The following APAF1 variants were observed in gnomAD, a reference collection of about 807,000 sequenced individuals.
The protein encoded by APAF1 is apoptotic peptidase activating factor 1, also known as apoptotic protease-activating factor 1.
In APAF1, 91 loss-of-function variants were observed where a neutral mutation model predicts 152.4. The ratio of observed to expected loss-of-function variants is 0.60; its 90% CI spans 0.50 to 0.71. APAF1 has a LOEUF of 0.71. Among genes scored for constraint, APAF1 ranks in the 30% least tolerant of loss-of-function variants. The probability of loss-of-function intolerance (pLI) is 0.00; values close to 1 mark genes in which losing one functional copy is unlikely to be tolerated. For missense variants in APAF1, 1,283 were observed against 1,472.0 expected (o/e 0.87, Z 2.10); for synonymous variants, 484 against 494.1 (o/e 0.98, Z 0.27).
chr12:98,697,423 A>C (rs998327939), intron 16 of APAF1, among the ~76,000 whole-genome samples: 2 of 152,216 alleles, frequency 1.3e-5, no homozygotes, highest in African/African-American at 4.8e-5. Context: ...TATAGTCTCA[A>C]AGTGACTAGC....
At chr12:98,686,970 A>T (rs562612565) in intron 16 of APAF1, 97 bp downstream of exon 16, 107 of 1,246,164 alleles carry the variant, frequency 8.6e-5, no homozygotes, top group Non-Finnish European at 9.3e-5. Context: ...ATTTCTACAG[A>T]AAGAGCCTGC....
At chr12:98,667,241 A>G (rs758767392) in intron 9 of APAF1, among the ~76,000 whole-genome samples, 4 of 151,798 alleles carry the variant, frequency 2.6e-5, no homozygotes, top group Non-Finnish European at 4.4e-5. Flanking sequence ...GTCTGCAGGC[A>G]TATGCCACCA....
intron 25 of APAF1, among the ~76,000 whole-genome samples, chr12:98,726,203 G>C (rs952742968): frequency 2.0e-5 from 3 of 152,082 alleles, no homozygotes; most frequent in Non-Finnish European, 1.5e-5. Context: ...TTGACTTTTA[G>C]AAAACAATCT....
At position 98,649,673 on chromosome 12, in the gene APAF1, C is replaced by T. The variant is rs147932236; in HGVS notation, c.515C>T (p.Ser172Phe). Residue 172 changes from serine to phenylalanine, a missense_variant, in exon 4 of 27, where the codon TCC (serine) becomes TTC (phenylalanine). Coordinates refer to ENST00000551964, the MANE Select transcript of APAF1 (RefSeq NM_181861.2). Reference sequence around the variant, plus strand: ...GCTGCAGAAGCTGTTAGAGATCATTCCCTTTTAGAAGGTAAGTGTCTTAGT... The same window carrying T: ...GCTGCAGAAGCTGTTAGAGATCATTTCCTTTTAGAAGGTAAGTGTCTTAGT... ...VLAAEAVRDH[S>F]LLEGCFPGGV... is the part of the protein sequence containing the mutation. 912 of 1,613,676 alleles carry T rather than the reference C, an allele frequency of 5.7e-4. No individual in the cohort carries two copies. The highest frequency in any genetic ancestry group is 7.4e-4 in the Non-Finnish European group (877 of 1,179,812).
In APAF1 at chr12:98,734,606, T is replaced by C. The variant is rs1468333708; in HGVS notation, c.*2040T>C. The C allele has an allele frequency of 6.6e-6, 1 of 152,652 alleles. No individual in the cohort carries two copies. Among genetic ancestry groups the C allele is most frequent in the East Asian group, 1.9e-4 (1 of 5,200 alleles). 9.5% of individuals were successfully genotyped at this position (152,652 alleles called of 1,614,324 possible). A position where few individuals can be genotyped will look rare whatever the true frequency, so the allele number is the denominator to read the frequency against. ...ATAGATCACTCAGATGTATTTTAGATAAGCTATTTAGCCTTTGATGGAATC... is the reference window on the plus strand; with the variant it reads ...ATAGATCACTCAGATGTATTTTAGACAAGCTATTTAGCCTTTGATGGAATC... On this transcript the variant is annotated 3_prime_UTR_variant, in exon 27 of 27. Coordinates refer to ENST00000551964, the MANE Select transcript of APAF1 (RefSeq NM_181861.2).
At chr12:98,672,485 G>A (rs947301421) in intron 12 of APAF1, among the ~76,000 whole-genome samples, 11 of 151,238 alleles carry the variant, frequency 7.3e-5, no homozygotes, top group Middle Eastern at 3.5e-3. Flanking sequence ...ATGTAAATGA[G>A]ATAATGGCTG....
chr12:98,671,074 A>C lies in APAF1; in HGVS notation c.1596A>C (p.Ile532=), dbSNP rs2097679511. 1 of 1,592,020 alleles carries C rather than the reference A, an allele frequency of 6.3e-7. No homozygotes were observed. Among genetic ancestry groups the C allele is most frequent in the Non-Finnish European group, 8.6e-7 (1 of 1,160,770 alleles). The change falls in exon 11 of 27, where the codon ATA becomes ATC. Residue 532 remains isoleucine, a synonymous_variant. Transcript: ENST00000551964. ...ATGAATTTGTGGAATACAGACATAT[A>C]CTAGATGAAAAGGTATATATATTAA... ...LIHEFVEYRH[I]LDEKDCAVSE...
At chr12:98,697,651 C>T (rs2097711315) in intron 16 of APAF1, among the ~76,000 whole-genome samples, 1 of 152,124 alleles carries the variant, frequency 6.6e-6, no homozygotes, top group South Asian at 2.1e-4. Flanking sequence ...GTGAGAACTG[C>T]CCATGTTTGT....
chr12:98,649,433 C>T (rs1173270508), intron 3 of APAF1, 54 bp from the exon 4 acceptor site: 1 of 1,572,546 alleles, frequency 6.4e-7, no homozygotes, highest in Non-Finnish European at 8.8e-7. Flanking sequence ...GGTATTACTT[C>T]AGTAATTATT....
chr12:98,683,078 T>G (rs2097694164), intron 14 of APAF1, 65 bp from the exon 15 acceptor site: 3 of 1,321,794 alleles, frequency 2.3e-6, no homozygotes, highest in Non-Finnish European at 3.2e-6. Context: ...TGGACATTGC[T>G]TTGCCCCTCT....
chr12:98,661,162 A>T (rs959452999), intron 5 of APAF1, among the ~76,000 whole-genome samples: 8 of 152,162 alleles, frequency 5.3e-5, no homozygotes, highest in Admixed American at 2.0e-4. Context: ...TGGCCTCCCA[A>T]AGTGCTGGGA....
chr12:98,730,689 A>T (rs998189816), intron 26 of APAF1, among the ~76,000 whole-genome samples: 4 of 152,258 alleles, frequency 2.6e-5, no homozygotes, highest in African/African-American at 9.6e-5. Context: ...TCTACCCAGC[A>T]TGTTAATGAG....
At chr12:98,729,534 G>A (rs1222687168) in intron 26 of APAF1, among the ~76,000 whole-genome samples, 1 of 152,178 alleles carries the variant, frequency 6.6e-6, no homozygotes, top group African/African-American at 2.4e-5. Context: ...CTGCGGATGG[G>A]TTCCTAAAAG....
At chr12:98,699,280 A>T (rs1287394225) in intron 16 of APAF1, 128 bp from the exon 17 acceptor site, 1 of 926,494 alleles carries the variant, frequency 1.1e-6, no homozygotes, top group Non-Finnish European at 1.6e-6. Context: ...ACAAAAAGTC[A>T]TGCATAGGTA....
At chr12:98,687,303 A>C (rs1206318605) in intron 16 of APAF1, among the ~76,000 whole-genome samples, 1 of 151,548 alleles carries the variant, frequency 6.6e-6, no homozygotes, top group East Asian at 1.9e-4. Flanking sequence ...TGGAGGTTGC[A>C]GTGAGCTGAG....
intron 16 of APAF1, among the ~76,000 whole-genome samples, chr12:98,695,035 C>T (rs1230987186): frequency 6.6e-6 from 1 of 151,578 alleles, no homozygotes; most frequent in East Asian, 1.9e-4. Context: ...ATTTTCTTTT[C>T]TCTTTTTTCT....
intron 10 of APAF1, among the ~76,000 whole-genome samples, chr12:98,670,379 A>G (rs1019593501): frequency 3.9e-5 from 6 of 152,080 alleles, no homozygotes; most frequent in African/African-American, 1.4e-4. Flanking sequence ...TGTGGCTCCC[A>G]TCCTTTGTTT....
intron 5 of APAF1, among the ~76,000 whole-genome samples, chr12:98,661,748 C>G (rs1340501479): frequency 6.6e-6 from 1 of 151,922 alleles, no homozygotes. Flanking sequence ...GGATTACAGG[C>G]CTAGAGTATT....
intron 16 of APAF1, among the ~76,000 whole-genome samples, chr12:98,698,127 A>G (rs755681060): frequency 2.6e-5 from 4 of 152,252 alleles, no homozygotes; most frequent in Admixed American, 6.5e-5. Context: ...GACATGTATA[A>G]TCAAGTTGGA....
Sources: allele counts gnomAD v4.1 joint callset (sites outside exome capture counted in the v4.1 genomes callset), GRCh38; gene constraint gnomAD v4.1.1; transcripts MANE v1.5; gene names NCBI Gene and HGNC (gene_info 2026-07-23, HGNC 2026-07-21).